The following PCSK5 variants were observed in gnomAD, a reference collection of about 807,000 sequenced individuals.
PCSK5 encodes prohormone convertase 5.
PCSK5 carries 129 observed loss-of-function variants against 233.2 expected under a neutral mutation model. The ratio of observed to expected loss-of-function variants is 0.55; its 90% confidence interval spans 0.48 to 0.64. The LOEUF (loss-of-function observed/expected upper bound fraction) is 0.64. Ranked by LOEUF, PCSK5 falls within the 30% of genes least tolerant of loss-of-function variation. The pLI, the probability that PCSK5 is intolerant of heterozygous loss-of-function variation, is 0.00. For synonymous variants in PCSK5, 825 were observed against 879.2 expected, an observed-to-expected ratio of 0.94 and a Z score of 1.09; for missense variants, 2,076 against 2,430.1, an observed-to-expected ratio of 0.85 and a Z score of 3.06.
chr9:76,322,707 T>G (rs1829243267), intron 31 of PCSK5, among the ~76,000 whole-genome samples: 1 of 152,260 alleles, frequency 6.6e-6, no homozygotes, highest in South Asian at 2.1e-4. Flanking sequence ...TCAATACAAT[T>G]TTTTAAATCT....
intron 2 of PCSK5, among the ~76,000 whole-genome samples, chr9:75,940,694 A>C (rs1824263107): frequency 6.6e-6 from 1 of 152,224 alleles, no homozygotes; most frequent in Non-Finnish European, 1.5e-5. Context: ...TTCCCTGTAC[A>C]TAATGGAGAG....
chr9:76,191,169 A>G (rs1824356735), intron 20 of PCSK5, among the ~76,000 whole-genome samples: 3 of 152,156 alleles, frequency 2.0e-5, no homozygotes, highest in African/African-American at 7.2e-5. Flanking sequence ...TGTTTAAACT[A>G]TTGTTGTTCA....
intron 24 of PCSK5, among the ~76,000 whole-genome samples, chr9:76,244,175 G>A (rs558613921): frequency 1.4e-4 from 22 of 152,158 alleles, no homozygotes; most frequent in Admixed American, 3.3e-4. Context: ...GCAGTGAGCC[G>A]TATTCATGCC....
chr9:75,981,788 C>T (rs2131384012), intron 2 of PCSK5, among the ~76,000 whole-genome samples: 1 of 152,196 alleles, frequency 6.6e-6, no homozygotes, highest in East Asian at 1.9e-4. Context: ...GTCTTGAACT[C>T]CTGGGCATAA....
At chr9:76,342,955 G>A (rs1473819415) in intron 35 of PCSK5, among the ~76,000 whole-genome samples, 1 of 151,668 alleles carries the variant, frequency 6.6e-6, no homozygotes, top group Non-Finnish European at 1.5e-5. Flanking sequence ...CCCCTCTCTT[G>A]GTATTCTAGT....
intron 24 of PCSK5, among the ~76,000 whole-genome samples, chr9:76,256,019 C>T (rs753191940): frequency 5.3e-5 from 8 of 152,196 alleles, no homozygotes; most frequent in Non-Finnish European, 8.8e-5. Flanking sequence ...GTAGACTGCA[C>T]TCATACACTA....
intron 2 of PCSK5, among the ~76,000 whole-genome samples, chr9:75,981,671 G>T (rs1369094569): frequency 6.6e-6 from 1 of 152,044 alleles, no homozygotes. Context: ...TCCCACCTCA[G>T]CTGCCTAAGT....
At chr9:76,072,642 G>T (rs1055384433) in intron 7 of PCSK5, among the ~76,000 whole-genome samples, 5 of 152,018 alleles carry the variant, frequency 3.3e-5, no homozygotes, top group Admixed American at 3.3e-4. Context: ...TTCATTTAAG[G>T]CCATTATTGA....
chr9:76,262,943 C>A (rs1327659856), intron 24 of PCSK5, among the ~76,000 whole-genome samples: 19 of 150,504 alleles, frequency 1.3e-4, no homozygotes, highest in Admixed American at 5.3e-4. Flanking sequence ...AAAAAAAAAA[C>A]AACCCCATCA....
intron 32 of PCSK5, among the ~76,000 whole-genome samples, chr9:76,325,110 G>A (rs2803433): frequency 0.14 from 20,620 of 152,028 alleles, 1,553 homozygotes; most frequent in African/African-American, 0.19. Context: ...TATGTGAAAA[G>A]GCGTGGATGT....
At chr9:76,221,787 C>T (rs181804912) in intron 20 of PCSK5, among the ~76,000 whole-genome samples, 36 of 152,288 alleles carry the variant, frequency 2.4e-4, no homozygotes, top group African/African-American at 5.1e-4. Flanking sequence ...CCACAATTTA[C>T]GATCCATCCT....
chr9:76,013,346 C>G (rs1287689074), intron 3 of PCSK5, among the ~76,000 whole-genome samples: 1 of 152,232 alleles, frequency 6.6e-6, no homozygotes, highest in Non-Finnish European at 1.5e-5. Flanking sequence ...CTCTCTTCCT[C>G]TTCCATCCCT....
At chr9:76,014,072 G>A (rs927845022) in intron 3 of PCSK5, among the ~76,000 whole-genome samples, 1 of 149,216 alleles carries the variant, frequency 6.7e-6, no homozygotes, top group Non-Finnish European at 1.5e-5. Context: ...TGAGACCTCA[G>A]TGAATAGAGA....
At chr9:76,167,336 T>G (rs1377251994) in intron 12 of PCSK5, among the ~76,000 whole-genome samples, 1 of 152,242 alleles carries the variant, frequency 6.6e-6, no homozygotes, top group Admixed American at 6.5e-5. Context: ...AAAACACATT[T>G]GCATATTCTG....
chr9:76,101,263 G>C (rs968984368), intron 8 of PCSK5, among the ~76,000 whole-genome samples: 1 of 152,162 alleles, frequency 6.6e-6, no homozygotes, highest in African/African-American at 2.4e-5. Context: ...TTTACAAGTT[G>C]TTTATATAGC....
intron 30 of PCSK5, among the ~76,000 whole-genome samples, chr9:76,317,712 G>A (rs997883703): frequency 6.6e-6 from 1 of 152,162 alleles, no homozygotes; most frequent in Non-Finnish European, 1.5e-5. Context: ...ATTTGTTTTG[G>A]CCAATGACAT....
At chr9:76,111,495 TAAAAG>T (rs1232396809) in intron 9 of PCSK5, among the ~76,000 whole-genome samples, 1 of 152,292 alleles carries the variant, frequency 6.6e-6, no homozygotes, top group South Asian at 2.1e-4. Flanking sequence ...ACTTTAATCT[TAAAAG>T]AGAGGGGAGA....
chr9:76,067,892 G>C, intron 5 of PCSK5, 63 bp from the exon 6 acceptor site: 1 of 1,271,556 alleles, frequency 7.9e-7, no homozygotes, highest in Non-Finnish European at 1.1e-6. Context: ...TGGTGGCAGT[G>C]ACGCGTTGGC....
chr9:76,065,956 C>G (rs2131592366), intron 5 of PCSK5, among the ~76,000 whole-genome samples: 1 of 152,236 alleles, frequency 6.6e-6, no homozygotes, highest in South Asian at 2.1e-4. Context: ...AGTCAGTTGG[C>G]TGTATATGCA....
Sources: gnomAD v4.1 joint callset for allele counts (sites outside exome capture counted in the v4.1 genomes callset) on GRCh38, gnomAD v4.1.1 for gene constraint, MANE v1.5 for transcripts, NCBI Gene and HGNC (gene_info 2026-07-23, HGNC 2026-07-21) for gene names.